Variants in TUSC3 observed in about 807,000 individuals in gnomAD.
The protein encoded by TUSC3 is dolichyl-diphosphooligosaccharide--protein glycosyltransferase subunit TUSC3.
Under a neutral mutation model 44.8 loss-of-function variants are expected in TUSC3, and 45 were observed. The observed-to-expected ratio is 1.00, with a 90% CI of 0.79 to 1.29. TUSC3 has a LOEUF of 1.29. Ranked by LOEUF, TUSC3 falls within the 50% of genes most tolerant of loss-of-function variation. TUSC3 has a pLI of 0.00. For missense variants in TUSC3, 519 were observed against 437.9 expected, an observed-to-expected ratio of 1.19 and a Z score of -1.65; for synonymous variants, 212 against 152.9, an observed-to-expected ratio of 1.39 and a Z score of -2.85.
intron 1 of TUSC3, among the ~76,000 whole-genome samples, chr8:15,550,068 C>T (rs2129136220): frequency 6.6e-6 from 1 of 151,758 alleles, no homozygotes; most frequent in South Asian, 2.1e-4. Flanking sequence ...CACACCTGCA[C>T]CAGTAATTAG....
At chr8:15,605,043 A>T (rs1240702447) in intron 1 of TUSC3, among the ~76,000 whole-genome samples, 1 of 151,880 alleles carries the variant, frequency 6.6e-6, no homozygotes, top group Non-Finnish European at 1.5e-5. Flanking sequence ...ACTGAAATGA[A>T]CTAAGGTGTT....
chr8:15,734,878 A>C (rs1218284133), intron 7 of TUSC3, among the ~76,000 whole-genome samples: 3 of 152,160 alleles, frequency 2.0e-5, no homozygotes, highest in African/African-American at 7.2e-5. Flanking sequence ...CTGGAATACA[A>C]ATTTTGAGGA....
chr8:15,461,461 C>T (rs565111518), intron 1 of TUSC3, among the ~76,000 whole-genome samples: 4 of 151,970 alleles, frequency 2.6e-5, no homozygotes, highest in Admixed American at 1.3e-4. Flanking sequence ...TTGAAGTGAG[C>T]GATCATATCA....
At chr8:15,782,077 G>C in the TUSC3 span, among the ~76,000 whole-genome samples, 1 of 152,244 alleles carries the variant, frequency 6.6e-6, no homozygotes, top group Non-Finnish European at 1.5e-5. Context: ...AGAGGTGACA[G>C]TGAGCCGAGA....
chr8:15,619,799 C>T (rs1171168730), intron 1 of TUSC3, among the ~76,000 whole-genome samples: 4 of 152,102 alleles, frequency 2.6e-5, no homozygotes, highest in Non-Finnish European at 5.9e-5. Flanking sequence ...CGTGAGCCAC[C>T]GTGCCCGGCC....
chr8:15,832,382 T>C, the TUSC3 span, among the ~76,000 whole-genome samples: 1 of 152,106 alleles, frequency 6.6e-6, no homozygotes, highest in African/African-American at 2.4e-5. Context: ...CAAACAAGTC[T>C]GCATATAACC....
rs191473757 is a variant in TUSC3, at chr8:15,754,148, C to A, written c.1029-3643C>A. 2.0e-5 allele frequency among the ~76,000 whole-genome samples: 3 copies of A among 152,104 alleles called. No individual in the cohort carries two copies. The East Asian group carries it at 5.8e-4, about 29-fold the overall frequency. ...CTGTAGAAAACGAGAGAATGAAATG[C>A]AGGAAAGAATTATTCTAGAAAGAGG... On this transcript the variant is annotated intron_variant, in intron 9 of 10. Transcript: ENST00000503731.
At chr8:15,850,048 C>T in the TUSC3 span, among the ~76,000 whole-genome samples, 1 of 151,872 alleles carries the variant, frequency 6.6e-6, no homozygotes, top group Non-Finnish European at 1.5e-5. Context: ...ATTTCTACAC[C>T]TGCTATCTTG....
In TUSC3 at chr8:15,463,087, C is replaced by T. The variant is rs548240384; in HGVS notation, n.92-20299C>T. Among the ~76,000 whole-genome samples the T allele has an allele frequency of 7.9e-5, 12 of 151,968 alleles. No homozygotes were observed. The East Asian group carries it at 2.3e-3, about 29-fold the overall frequency. On this transcript the variant is annotated intron_variant and non_coding_transcript_variant, in intron 1 of 5. Transcript: ENST00000503191. The stretch of plus-strand genomic sequence containing the variant: ...ACCTTCTCCTTTTTTTCTTCTTTTG[C>T]CTCTCTGTGTCTCTCTCTCTGTTTT...
At chr8:15,592,395 A>G (rs138854739) in intron 1 of TUSC3, among the ~76,000 whole-genome samples, 137 of 152,276 alleles carry the variant, frequency 9.0e-4, no homozygotes, top group South Asian at 4.1e-3. Context: ...TGTGATCCCA[A>G]TGTTGGAGGT....
rs151047659 is a variant in TUSC3, at chr8:15,753,639, C to T, written c.1029-4152C>T. 3.1e-3 allele frequency among the ~76,000 whole-genome samples: 472 copies of T among 152,106 alleles called. 3 individuals are homozygous for T. The highest frequency in any genetic ancestry group is 0.01 in the African/African-American group (420 of 41,532). ...TTGGAGTCATCTTTTTATTCCATTGCATTAGTTTCCTTCTTAAATAAGCTT... is the reference window on the plus strand; with the variant it reads ...TTGGAGTCATCTTTTTATTCCATTGTATTAGTTTCCTTCTTAAATAAGCTT... On this transcript the variant is annotated intron_variant, in intron 9 of 10. Transcript: ENST00000503731.
At chr8:15,705,581 C>T (rs756264253) in intron 6 of TUSC3, among the ~76,000 whole-genome samples, 4 of 152,022 alleles carry the variant, frequency 2.6e-5, no homozygotes, top group Non-Finnish European at 2.9e-5. Context: ...CTTCACAAAG[C>T]GCTGATAGCT....
At chr8:15,688,364 C>G (rs371386577) in intron 6 of TUSC3, among the ~76,000 whole-genome samples, 1 of 151,516 alleles carries the variant, frequency 6.6e-6, no homozygotes, top group Admixed American at 6.6e-5. Context: ...ATGCTAGTCT[C>G]TGACTTTAGT....
At chr8:15,756,533 C>CT (rs985958487) in intron 9 of TUSC3, among the ~76,000 whole-genome samples, 2 of 151,726 alleles carry the variant, frequency 1.3e-5, no homozygotes, top group African/African-American at 2.4e-5. Context: ...ATGTGTTTGT[C>CT]TTTTTTTTCT....
At chr8:15,709,274 G>A (rs1809745164) in intron 6 of TUSC3, among the ~76,000 whole-genome samples, 1 of 151,874 alleles carries the variant, frequency 6.6e-6, no homozygotes, top group Non-Finnish European at 1.5e-5. Context: ...TAGCTCAACA[G>A]TAATATGTAG....
chr8:15,584,133 T>G (rs563794567), intron 1 of TUSC3, among the ~76,000 whole-genome samples: 8 of 152,330 alleles, frequency 5.3e-5, no homozygotes, highest in African/African-American at 1.9e-4. Context: ...ATGTTAAACT[T>G]GTTAAAGATT....
At chr8:15,833,215 G>A in the TUSC3 span, among the ~76,000 whole-genome samples, 1 of 152,148 alleles carries the variant, frequency 6.6e-6, no homozygotes, top group South Asian at 2.1e-4. Context: ...AATAACAGGT[G>A]CTGGCAAGGT....
At chr8:15,590,547 A>G (rs1803784847) in intron 1 of TUSC3, among the ~76,000 whole-genome samples, 1 of 152,058 alleles carries the variant, frequency 6.6e-6, no homozygotes, top group Admixed American at 6.6e-5. Context: ...CTATTTTTAG[A>G]GGTTCTAGAA....
the TUSC3 span, among the ~76,000 whole-genome samples, chr8:15,793,642 GTA>G: frequency 6.6e-6 from 1 of 152,156 alleles, no homozygotes; most frequent in East Asian, 1.9e-4. Flanking sequence ...TTTACATAAT[GTA>G]TAGTCTGTGC....
Sources: allele counts gnomAD v4.1 joint callset (sites outside exome capture counted in the v4.1 genomes callset), GRCh38; gene constraint gnomAD v4.1.1; transcripts MANE v1.5; gene names NCBI Gene and HGNC (gene_info 2026-07-23, HGNC 2026-07-21).